HDAC2: variants seen among roughly 807,000 people sequenced by gnomAD.
HDAC2 encodes the protein YY1-associated factor 1.
HDAC2 carries 5 observed loss-of-function variants against 68.5 expected under a neutral mutation model. The ratio of observed to expected loss-of-function variants is 0.07; its 90% CI spans 0.04 to 0.15. The LOEUF (loss-of-function observed/expected upper bound fraction) is 0.15. Ranked by LOEUF, HDAC2 falls within the 10% of genes least tolerant of loss-of-function variation. HDAC2 has a pLI of 1.00. For missense variants in HDAC2, 291 were observed against 600.8 expected (o/e 0.48, Z 5.39); for synonymous variants, 182 against 191.3 (o/e 0.95, Z 0.40).
chr6:113,971,019 G>C lies in HDAC2; in HGVS notation c.-111C>G. 1 of 1,576,632 alleles carries C rather than the reference G, an allele frequency of 6.3e-7. No individual in the cohort carries two copies. The highest frequency in any genetic ancestry group is 1.9e-5 in the Admixed American group (1 of 53,782). Reference sequence around the variant, plus strand: ...AAAGGGCTGAGGGAAACGTGGGGGCGATAGTCCCGCGGGGAAGGGCAGGCC... The same window carrying C: ...AAAGGGCTGAGGGAAACGTGGGGGCCATAGTCCCGCGGGGAAGGGCAGGCC... On this transcript the variant is annotated 5_prime_UTR_variant, in exon 1 of 14. The change creates a new upstream start codon in the 5' untranslated region. Transcript: ENST00000519065.
At chr6:113,966,631 G>A (rs1776828775) in intron 1 of HDAC2, among the ~76,000 whole-genome samples, 2 of 150,940 alleles carry the variant, frequency 1.3e-5, no homozygotes, top group African/African-American at 2.4e-5. Context: ...GTTTTTAAAT[G>A]TAGTTGGCGA....
chr6:113,951,782 C>T (rs1023136666), intron 6 of HDAC2, among the ~76,000 whole-genome samples: 2 of 152,054 alleles, frequency 1.3e-5, no homozygotes, highest in African/African-American at 4.8e-5. Context: ...ATTGTAAAAT[C>T]TTAAGTGAGA....
chr6:113,960,816 C>A (rs1319608342), intron 1 of HDAC2, among the ~76,000 whole-genome samples: 1 of 152,054 alleles, frequency 6.6e-6, no homozygotes, highest in African/African-American at 2.4e-5. Flanking sequence ...AGTCAACCCT[C>A]TGTATCTGTG....
In HDAC2 at chr6:113,949,271, T is replaced by C. The variant is rs771364533; in HGVS notation, c.640-11A>G. ...TCCAGCACCAATATCCTAAAATACA[T>C]AATTAAACTGATCTTAGAGAATATT... On this transcript the variant is annotated splice_polypyrimidine_tract_variant and intron_variant, in intron 6 of 13. Transcript: ENST00000519065. 3.5e-6 allele frequency: 5 copies of C among 1,438,470 alleles called. No homozygotes were observed. Among genetic ancestry groups the C allele is most frequent in the Non-Finnish European group, 3.9e-6 (4 of 1,020,346 alleles). The allele number at this position is 1,438,470 out of a possible 1,614,324, so 89.1% of individuals were successfully genotyped here. A position where few individuals can be genotyped will look rare whatever the true frequency, so the allele number is the denominator to read the frequency against.
intron 2 of HDAC2, among the ~76,000 whole-genome samples, chr6:113,959,062 C>T (rs1250094977): frequency 1.3e-5 from 2 of 152,032 alleles, no homozygotes; most frequent in Non-Finnish European, 2.9e-5. Context: ...TGTTCATAAA[C>T]TCTACTTTCT....
chr6:113,955,959 G>GT, intron 5 of HDAC2, 54 bp downstream of exon 5: 1 of 1,340,776 alleles, frequency 7.5e-7, no homozygotes. Flanking sequence ...TATTTATTGT[G>GT]TTTTAATGAA....
Position 113,943,434 on chromosome 6 carries a change from C to T in HDAC2, c.1295G>A (p.Arg432Gln), listed in dbSNP as rs371501541. ...SDSEDEGEGG[R>Q]RNVADHKKGA... ...TTTCTTATGATCAGCCACATTTCTTCGACCTCCTTCTCCTTCATCCTCAGA... is the reference window on the plus strand; with the variant it reads ...TTTCTTATGATCAGCCACATTTCTTTGACCTCCTTCTCCTTCATCCTCAGA... Residue 432 changes from arginine (R) to glutamine (Q), a missense_variant, in exon 12 of 14, where the codon CGA (arginine) becomes CAA (glutamine). Transcript: ENST00000519065. 4 of 1,610,650 alleles carry T rather than the reference C, an allele frequency of 2.5e-6. No homozygotes were observed. Among genetic ancestry groups the T allele is most frequent in the East Asian group, 2.2e-5 (1 of 44,790 alleles).
rs1226509233 is a variant in HDAC2, at chr6:113,940,940, A to G, written c.*118T>C. The G allele has an allele frequency of 1.5e-6, 1 of 682,022 alleles. No homozygotes were observed. Among genetic ancestry groups the G allele is most frequent in the African/African-American group, 1.8e-5 (1 of 54,126 alleles). 42.2% of individuals were successfully genotyped at this position (682,022 alleles called of 1,614,324 possible). On this transcript the variant is annotated 3_prime_UTR_variant, in exon 14 of 14. Coordinates refer to ENST00000519065, the MANE Select transcript of HDAC2 (RefSeq NM_001527.4). Reference sequence around the variant, plus strand: ...ACAAAAACGAAAAAGCCATTTGAAAATAAATACAGTCCATGCCAAAGTAGT... The same window carrying G: ...ACAAAAACGAAAAAGCCATTTGAAAGTAAATACAGTCCATGCCAAAGTAGT...
intron 1 of HDAC2, among the ~76,000 whole-genome samples, chr6:113,962,807 C>CA (rs558676842): frequency 5.6e-4 from 81 of 143,436 alleles, no homozygotes; most frequent in African/African-American, 1.0e-3. Flanking sequence ...ACTAAAAATA[C>CA]AAAAAAAAAA....
chr6:113,959,016 T>A (rs540172388), intron 2 of HDAC2, among the ~76,000 whole-genome samples: 2 of 152,274 alleles, frequency 1.3e-5, no homozygotes, highest in East Asian at 1.9e-4. Flanking sequence ...CTCCTTATTT[T>A]AGTGGAAACA....
intron 5 of HDAC2, 74 bp downstream of exon 5, chr6:113,955,939 C>A (rs761200587): frequency 6.4e-6 from 7 of 1,101,112 alleles, no homozygotes; most frequent in South Asian, 1.8e-5. Flanking sequence ...TTTTTTAAAG[C>A]CATAGACTTT....
At chr6:113,944,225 C>T (rs765359036) in intron 11 of HDAC2, 55 bp downstream of exon 11, 18 of 1,454,336 alleles carry the variant, frequency 1.2e-5, no homozygotes, top group Non-Finnish European at 1.7e-5. Context: ...GCCACTAAAA[C>T]CTTCCATTTC....
chr6:113,948,711 T>G (rs1217696726), intron 8 of HDAC2: 1 of 361,110 alleles, frequency 2.8e-6, no homozygotes, highest in Non-Finnish European at 5.0e-6. Context: ...TTATTTACAC[T>G]GAGTCAACAA....
intron 3 of HDAC2, 115 bp from the exon 4 acceptor site, chr6:113,956,808 C>A (rs1314127267): frequency 2.8e-6 from 2 of 707,158 alleles, no homozygotes; most frequent in Non-Finnish European, 5.1e-6. Context: ...ATCAAACATA[C>A]ACTTCACAGT....
chr6:113,949,817 G>A (rs891071759), intron 6 of HDAC2, among the ~76,000 whole-genome samples: 2 of 151,148 alleles, frequency 1.3e-5, no homozygotes, highest in African/African-American at 2.4e-5. Flanking sequence ...AGTTTTGCTC[G>A]TTGCCCAGGC....
intron 8 of HDAC2, chr6:113,947,092 A>G (rs1001858833): frequency 3.9e-5 from 6 of 152,126 alleles, no homozygotes; most frequent in Non-Finnish European, 8.8e-5. Flanking sequence ...CTAGCACTCA[A>G]TTTTTATTAT....
intron 1 of HDAC2, among the ~76,000 whole-genome samples, chr6:113,964,434 T>C (rs1002909798): frequency 6.6e-6 from 1 of 152,200 alleles, no homozygotes; most frequent in Non-Finnish European, 1.5e-5. Context: ...TCTTGGGATT[T>C]TACTTGTACC....
At chr6:113,948,903 G>A in intron 8 of HDAC2, 76 bp downstream of exon 8, 7 of 1,532,348 alleles carry the variant, frequency 4.6e-6, no homozygotes, top group Middle Eastern at 3.5e-4. Flanking sequence ...AAACTACAAT[G>A]AGAACTTTTA....
In HDAC2 at chr6:113,943,337, G is replaced by A. The variant is rs773644732; in HGVS notation, c.1378+14C>T. On this transcript the variant is annotated intron_variant, in intron 12 of 13. Transcript: ENST00000519065. ...TTTACAATTAAAACACAATTACCAA[G>A]AAACAAATCTGACCTGTTTTTTTGT... 4.6e-5 allele frequency: 73 copies of A among 1,581,028 alleles called. No homozygotes were observed. The African/African-American group carries it at 9.2e-4, about 20-fold the overall frequency.
Sources: gnomAD v4.1 joint callset for allele counts (sites outside exome capture counted in the v4.1 genomes callset) on GRCh38, gnomAD v4.1.1 for gene constraint, MANE v1.5 for transcripts, NCBI Gene and HGNC (gene_info 2026-07-23, HGNC 2026-07-21) for gene names.